ATXN1: variants seen among roughly 807,000 people sequenced by gnomAD.
ATXN1 encodes the protein ataxin 1, also known as ataxin-1.
In ATXN1, 8 loss-of-function variants were observed where a neutral mutation model predicts 56.4. That is an observed-to-expected ratio of 0.14 (90% CI 0.08 to 0.26). The LOEUF (loss-of-function observed/expected upper bound fraction) is 0.26. Ranked by LOEUF, ATXN1 falls within the 10% of genes least tolerant of loss-of-function variation. The pLI, the probability that ATXN1 is intolerant of heterozygous loss-of-function variation, is 1.00. For synonymous variants in ATXN1, 514 were observed against 494.6 expected, an observed-to-expected ratio of 1.04 and a Z score of -0.52; for missense variants, 987 against 1,106.5, an observed-to-expected ratio of 0.89 and a Z score of 1.53.
chr6:16,343,491 A>G lies in ATXN1; in HGVS notation c.-160-15021T>C, dbSNP rs925843472. Among the ~76,000 whole-genome samples the G allele has an allele frequency of 7.2e-5, 11 of 152,184 alleles. 1 individual carries two copies. Among genetic ancestry groups the G allele is most frequent in the Non-Finnish European group, 1.3e-4 (9 of 68,036 alleles). The stretch of plus-strand genomic sequence containing the variant: ...ACCTGCTGGCATTAGCCTGTATTCC[A>G]GGACTGGACGTCAGGGCATCCTTTA... On this transcript the variant is annotated intron_variant, in intron 6 of 7. Transcript: ENST00000436367.
At chr6:16,341,162 A>G (rs980540510) in intron 6 of ATXN1, among the ~76,000 whole-genome samples, 5 of 152,186 alleles carry the variant, frequency 3.3e-5, no homozygotes, top group Non-Finnish European at 7.4e-5. Context: ...GATTTTGGGG[A>G]CATATTTCCT....
chr6:16,546,217 C>T (rs778571859), intron 4 of ATXN1, among the ~76,000 whole-genome samples: 7 of 152,230 alleles, frequency 4.6e-5, no homozygotes, highest in Non-Finnish European at 8.8e-5. Context: ...ATCCATTACT[C>T]AGCATCAACA....
chr6:16,557,724 G>A (rs1398758107), intron 4 of ATXN1, among the ~76,000 whole-genome samples: 5 of 152,204 alleles, frequency 3.3e-5, no homozygotes, highest in Admixed American at 2.0e-4. Flanking sequence ...AATGATATGG[G>A]TGTCACTGCA....
At chr6:16,500,414 T>C (rs1463339635) in intron 5 of ATXN1, among the ~76,000 whole-genome samples, 1 of 152,174 alleles carries the variant, frequency 6.6e-6, no homozygotes, top group African/African-American at 2.4e-5. Flanking sequence ...ACTGTGAGTG[T>C]GGGCATGTAA....
intron 6 of ATXN1, among the ~76,000 whole-genome samples, chr6:16,464,710 T>C (rs1760067925): frequency 6.6e-6 from 1 of 151,414 alleles, no homozygotes. Context: ...ATTCCAACTT[T>C]ATGACATTTT....
intron 6 of ATXN1, among the ~76,000 whole-genome samples, chr6:16,476,890 C>G (rs1760336410): frequency 6.6e-6 from 1 of 152,216 alleles, no homozygotes; most frequent in African/African-American, 2.4e-5. Context: ...TAGAAATGGT[C>G]AGTTACACCC....
At position 16,315,290 on chromosome 6, in the gene ATXN1, C is replaced by T. The variant is rs149071714; in HGVS notation, c.1918-8431G>A. 2.0e-3 allele frequency among the ~76,000 whole-genome samples: 305 copies of T among 152,270 alleles called. 1 individual carries two copies. Among genetic ancestry groups the T allele is most frequent in the African/African-American group, 6.4e-3 (265 of 41,562 alleles). Reference sequence around the variant, plus strand: ...AGCACCTTGGAATCATACTTTCTTCCGCTCTTTCTCTTACATCACAAACAT... The same window carrying T: ...AGCACCTTGGAATCATACTTTCTTCTGCTCTTTCTCTTACATCACAAACAT... On this transcript the variant is annotated intron_variant, in intron 7 of 7. Coordinates refer to ENST00000436367, the MANE Select transcript of ATXN1 (RefSeq NM_001128164.2).
At chr6:16,515,992 T>C (rs1385357140) in intron 5 of ATXN1, among the ~76,000 whole-genome samples, 14 of 152,190 alleles carry the variant, frequency 9.2e-5, no homozygotes, top group Admixed American at 9.2e-4. Flanking sequence ...ACTTGTGAAC[T>C]GTGAGTTGAG....
chr6:16,446,306 G>A (rs1170827858), intron 6 of ATXN1, among the ~76,000 whole-genome samples: 2 of 152,114 alleles, frequency 1.3e-5, no homozygotes, highest in Non-Finnish European at 2.9e-5. Context: ...GTGTCTTTTG[G>A]CTGCATAAAT....
In ATXN1 at chr6:16,703,673, A is replaced by T. The variant is rs562004911; in HGVS notation, c.-614-45772T>A. ...AGTTTAGGAAACTGTGCCTATAATA[A>T]ATAGTACATCTATGGTGAATGTACT... On this transcript the variant is annotated intron_variant, in intron 2 of 7. Transcript: ENST00000436367. Among the ~76,000 whole-genome samples the T allele has an allele frequency of 8.5e-5, 13 of 152,334 alleles. No homozygotes were observed. In the South Asian group the frequency reaches 1.7e-3, roughly 19 times the overall value.
In ATXN1 at chr6:16,306,978, G is replaced by T. The variant is rs1430770492; in HGVS notation, c.1918-119C>A. ...GAACTCACACAGACACACACAGGCT[G>T]AATGGGGGAAAATGACTCAGTTTGC... On this transcript the variant is annotated intron_variant, in intron 7 of 7. Transcript: ENST00000436367. This position sits in a 1 kb window ranked among gnomAD's most constrained non-coding sequence, Gnocchi z 5.2. The T allele has an allele frequency of 2.5e-6, 3 of 1,194,040 alleles. No homozygotes were observed. The African/African-American group carries it at 4.6e-5, about 18-fold the overall frequency. 74.0% of individuals were successfully genotyped at this position (1,194,040 alleles called of 1,614,324 possible).
intron 3 of ATXN1, among the ~76,000 whole-genome samples, chr6:16,607,543 G>A (rs1763033343): frequency 6.6e-6 from 1 of 152,180 alleles, no homozygotes. Context: ...TCAGTGTCTG[G>A]GGTGGGTGGG....
At chr6:16,366,246 C>G (rs955543824) in intron 6 of ATXN1, among the ~76,000 whole-genome samples, 2 of 152,172 alleles carry the variant, frequency 1.3e-5, no homozygotes, top group East Asian at 3.9e-4. Context: ...TTCCTGACCA[C>G]TTGTCCTCTT....
chr6:16,338,231 T>C (rs901505029), intron 6 of ATXN1, among the ~76,000 whole-genome samples: 1 of 152,108 alleles, frequency 6.6e-6, no homozygotes, highest in Non-Finnish European at 1.5e-5. Context: ...TGGTGGCTCA[T>C]GCCTGCAAAC....
intron 6 of ATXN1, among the ~76,000 whole-genome samples, chr6:16,473,304 C>T (rs528874947): frequency 1.3e-5 from 2 of 152,176 alleles, no homozygotes. Context: ...ACAAACTGGT[C>T]CCCAAACGTA....
intron 7 of ATXN1, among the ~76,000 whole-genome samples, chr6:16,312,094 G>A (rs1369645658): frequency 6.6e-6 from 1 of 152,158 alleles, no homozygotes; most frequent in Non-Finnish European, 1.5e-5. Flanking sequence ...TTAATTTTCT[G>A]AAAATAACAT....
chr6:16,519,841 C>T (rs774550793), intron 5 of ATXN1, among the ~76,000 whole-genome samples: 4 of 152,216 alleles, frequency 2.6e-5, no homozygotes, highest in African/African-American at 7.2e-5. Flanking sequence ...CCAAGATGGA[C>T]CGAGACAGGA....
intron 6 of ATXN1, among the ~76,000 whole-genome samples, chr6:16,484,709 C>T (rs1760505993): frequency 6.6e-6 from 1 of 152,218 alleles, no homozygotes; most frequent in Non-Finnish European, 1.5e-5. Flanking sequence ...ATTAATATTA[C>T]TGATTATTTA....
intron 5 of ATXN1, among the ~76,000 whole-genome samples, chr6:16,509,357 T>A (rs1316504720): frequency 6.6e-6 from 1 of 152,274 alleles, no homozygotes; most frequent in Non-Finnish European, 1.5e-5. Flanking sequence ...AAAAGTGTCA[T>A]GAAAATAGCA....
Sources: allele counts gnomAD v4.1 joint callset (sites outside exome capture counted in the v4.1 genomes callset), GRCh38; gene constraint gnomAD v4.1.1; non-coding constraint Gnocchi (gnomAD v3.1); transcripts MANE v1.5; gene names NCBI Gene and HGNC (gene_info 2026-07-23, HGNC 2026-07-21).